SLIT2: variants seen among roughly 807,000 people sequenced by gnomAD.
SLIT2 encodes the protein slit guidance ligand 2.
Under a neutral mutation model 185.7 loss-of-function variants are expected in SLIT2, and 41 were observed. The observed-to-expected ratio is 0.22, with a 90% CI of 0.17 to 0.29. SLIT2 has a LOEUF of 0.29. Among genes scored for constraint, SLIT2 ranks in the 10% least tolerant of loss-of-function variants. SLIT2 has a pLI of 1.00. For missense variants in SLIT2, 1,571 were observed against 1,909.0 expected, an observed-to-expected ratio of 0.82 and a Z score of 3.30; for synonymous variants, 693 against 680.2, an observed-to-expected ratio of 1.02 and a Z score of -0.29.
intron 26 of SLIT2, among the ~76,000 whole-genome samples, chr4:20,555,593 G>A (rs1170656107): frequency 6.6e-6 from 1 of 152,174 alleles, no homozygotes; most frequent in Non-Finnish European, 1.5e-5. Flanking sequence ...AAAAAAAGGT[G>A]ATGTAGGACA....
rs547139907 is a variant in SLIT2, at chr4:20,435,499, G to T, written c.396-32253G>T. ...TGTAATTAAATGAGTGTAGTTCAAA[G>T]GATAGTGCTGTAAGATTTTAGAGAA... On this transcript the variant is annotated intron_variant, in intron 4 of 36. Coordinates refer to ENST00000504154, the MANE Select transcript of SLIT2 (RefSeq NM_004787.4). 2.6e-5 allele frequency among the ~76,000 whole-genome samples: 4 copies of T among 152,280 alleles called. No homozygotes were observed. In the East Asian group the frequency reaches 7.7e-4, roughly 29 times the overall value.
At chr4:20,406,530 G>A (rs112522165) in intron 4 of SLIT2, among the ~76,000 whole-genome samples, 2,475 of 143,632 alleles carry the variant, frequency 0.017, 204 homozygotes, top group African/African-American at 0.039. Context: ...TATACAAATG[G>A]CTCATAAATA....
intron 4 of SLIT2, among the ~76,000 whole-genome samples, chr4:20,463,500 T>TGTGC (rs1323697561): frequency 2.4e-5 from 3 of 123,636 alleles, no homozygotes; most frequent in African/African-American, 9.0e-5. Context: ...TATGTGTGTG[T>TGTGC]GCGTATATCC....
chr4:20,567,248 G>T lies in SLIT2; in HGVS notation c.2726-14G>T, dbSNP rs764588504. On this transcript the variant is annotated splice_polypyrimidine_tract_variant and intron_variant, in intron 26 of 36. Transcript: ENST00000504154. ...AAGAGCGTCAGTTGCTTATATTTTT[G>T]AATTAATTTTCAGGTCCTGTGGATG... 6 of 1,593,148 alleles carry T rather than the reference G, an allele frequency of 3.8e-6. No individual in the cohort carries two copies. The highest frequency in any genetic ancestry group is 1.4e-5 in the African/African-American group (1 of 73,052).
chr4:20,605,416 G>A (rs778970661), intron 33 of SLIT2, among the ~76,000 whole-genome samples: 10 of 152,278 alleles, frequency 6.6e-5, no homozygotes, highest in Middle Eastern at 6.8e-3. Flanking sequence ...ATAGGTGAGC[G>A]TAGTAAAACT....
At chr4:20,410,821 C>T (rs1727195069) in intron 4 of SLIT2, among the ~76,000 whole-genome samples, 1 of 151,956 alleles carries the variant, frequency 6.6e-6, no homozygotes, top group Non-Finnish European at 1.5e-5. Flanking sequence ...TTACTATAGC[C>T]TTGTATAATT....
At position 20,542,550 on chromosome 4, in the gene SLIT2, T is replaced by A; in HGVS notation, c.2200T>A (p.Leu734Met). Residue 734 changes from leucine (L) to methionine (M), a missense_variant, in exon 21 of 37, where the codon TTG becomes ATG. Leu to Met is a conservative substitution (Grantham distance 15). Transcript: ENST00000504154. ...TCGCTGTCCTACTGAATGTACTTGCTTGGATACAGTCGTCCGATGTAGCAA... is the reference window on the plus strand; with the variant it reads ...TCGCTGTCCTACTGAATGTACTTGCATGGATACAGTCGTCCGATGTAGCAA... ...LSRCPTECTC[L>M]DTVVRCSNKG... 1 of 1,613,806 alleles carries A rather than the reference T, an allele frequency of 6.2e-7. No individual in the cohort carries two copies. The highest frequency in any genetic ancestry group is 8.5e-7 in the Non-Finnish European group (1 of 1,179,734).
At chr4:20,466,792 A>T (rs991155781) in intron 4 of SLIT2, among the ~76,000 whole-genome samples, 3 of 152,174 alleles carry the variant, frequency 2.0e-5, no homozygotes, top group Admixed American at 2.0e-4. Context: ...TGTGAGCATC[A>T]GTTATCCTAG....
intron 30 of SLIT2, among the ~76,000 whole-genome samples, chr4:20,595,073 G>A (rs77193113): frequency 0.016 from 2,451 of 152,236 alleles, 55 homozygotes; most frequent in African/African-American, 0.056. Flanking sequence ...AAAACTGTCC[G>A]TGGGATTGGC....
intron 5 of SLIT2, among the ~76,000 whole-genome samples, chr4:20,472,620 C>CGATATATATA (rs1553908902): frequency 0.043 from 792 of 18,632 alleles, 319 homozygotes; most frequent in East Asian, 0.2. Context: ...CTATATATAT[C>CGATATATATA]GATATATCTA....
rs2148797572 is a variant in SLIT2 at position 20,491,804 on chromosome 4, C to T, written c.819C>T (p.Cys273=). The part of the protein sequence containing the change: ...FMAPSCSVLH[C]PAACTCSNNI... ...CTCCTTCTTGTAGTGTTTTGCACTG[C>T]CCTGCCGCCTGTACCTGTAGCAACA... is the stretch of plus-strand genomic sequence containing the variant. The change falls in exon 9 of 37, where the codon TGC becomes TGT. Residue 273 remains cysteine (C), a synonymous_variant. Transcript: ENST00000504154. 1.2e-6 allele frequency: 2 copies of T among 1,613,840 alleles called. No individual in the cohort carries two copies. Among genetic ancestry groups the T allele is most frequent in the Non-Finnish European group, 1.7e-6 (2 of 1,179,798 alleles).
chr4:20,583,832 A>AAT (rs1726816493), intron 29 of SLIT2, among the ~76,000 whole-genome samples: 4 of 151,832 alleles, frequency 2.6e-5, no homozygotes, highest in African/African-American at 9.6e-5. Flanking sequence ...ATAATAATAA[A>AAT]AATAAAATAA....
intron 3 of SLIT2, among the ~76,000 whole-genome samples, chr4:20,258,928 A>C (rs1217830449): frequency 6.6e-6 from 1 of 151,768 alleles, no homozygotes; most frequent in African/African-American, 2.4e-5. Flanking sequence ...CACTGGGCAA[A>C]AGGGCAGAAG....
rs7675867 is a variant in SLIT2, at chr4:20,575,850, C to T, written c.3088+6846C>T. 9.0e-3 allele frequency among the ~76,000 whole-genome samples: 1,373 copies of T among 152,036 alleles called. 19 individuals carry two copies. The highest frequency in any genetic ancestry group is 0.031 in the African/African-American group (1,290 of 41,456). ...GTACAATTAATGAATAAATTCCCCC[C>T]GAGAACTAGGCTACCTTTTATCCCA... On this transcript the variant is annotated intron_variant, in intron 29 of 36. Transcript: ENST00000504154.
chr4:20,350,575 C>T (rs549658137), intron 4 of SLIT2, among the ~76,000 whole-genome samples: 2 of 152,084 alleles, frequency 1.3e-5, no homozygotes, highest in South Asian at 2.1e-4. Flanking sequence ...ATCCAGAAAA[C>T]AAATGGATTG....
At position 20,464,669 on chromosome 4, in the gene SLIT2, C is replaced by T. The variant is rs181491647; in HGVS notation, c.396-3083C>T. ...TATTCCACTGCATACGTTGTACCCT[C>T]TTAGGAAACCAGACCACAAACTACT... On this transcript the variant is annotated intron_variant, in intron 4 of 36. Coordinates refer to ENST00000504154, the MANE Select transcript of SLIT2 (RefSeq NM_004787.4). Among the ~76,000 whole-genome samples, 16 of 152,266 alleles carry T rather than the reference C, an allele frequency of 1.1e-4. No homozygotes were observed. In the South Asian group the frequency reaches 2.1e-3, roughly 20 times the overall value.
At chr4:20,407,871 T>G (rs1328756039) in intron 4 of SLIT2, among the ~76,000 whole-genome samples, 1 of 152,086 alleles carries the variant, frequency 6.6e-6, no homozygotes, top group Non-Finnish European at 1.5e-5. Flanking sequence ...GGACCAAAGA[T>G]AATATCTACT....
At chr4:20,518,703 C>T (rs1237493406) in intron 11 of SLIT2, among the ~76,000 whole-genome samples, 2 of 130,440 alleles carry the variant, frequency 1.5e-5, no homozygotes, top group Admixed American at 1.6e-4. Context: ...CTCCCGGGTT[C>T]ACGCCATTCT....
chr4:20,494,843 C>T (rs1177624234), intron 9 of SLIT2, among the ~76,000 whole-genome samples: 1 of 150,928 alleles, frequency 6.6e-6, no homozygotes, highest in East Asian at 1.9e-4. Flanking sequence ...AAGACAAGGA[C>T]TTGAGGCAAA....
Sources: allele counts gnomAD v4.1 joint callset (sites outside exome capture counted in the v4.1 genomes callset), GRCh38; gene constraint gnomAD v4.1.1; transcripts MANE v1.5; gene names NCBI Gene and HGNC (gene_info 2026-07-23, HGNC 2026-07-21).